Variants in ABCB4 observed in about 807,000 individuals in gnomAD.
ABCB4 encodes ATP binding cassette subfamily B member 4, also known as phosphatidylcholine translocator ABCB4.
Under a neutral mutation model 145.7 loss-of-function variants are expected in ABCB4, and 76 were observed. That is an observed-to-expected ratio of 0.52 (90% confidence interval 0.43 to 0.63). The LOEUF is 0.63. Among genes scored for constraint, ABCB4 ranks in the 30% least tolerant of loss-of-function variants. The pLI is 0.00. For missense variants in ABCB4, 1,234 were observed against 1,553.1 expected (o/e 0.79, Z 3.45); for synonymous variants, 517 against 566.8 (o/e 0.91, Z 1.25).
At chr7:87,453,404 G>A (rs909890856) in intron 5 of ABCB4, among the ~76,000 whole-genome samples, 1 of 151,950 alleles carries the variant, frequency 6.6e-6, no homozygotes, top group Non-Finnish European at 1.5e-5. Flanking sequence ...GGCTGGTCTC[G>A]AACTCCTGAC....
rs573884341 is a variant in ABCB4, at chr7:87,474,230, G to A, written c.80+1156C>T. ...GCAATACATAAATAGACTTCTTCAT[G>A]AAAATGCCATCTATTAATAGACTCA... is the stretch of plus-strand genomic sequence containing the variant. On this transcript the variant is annotated intron_variant, in intron 2 of 27. Coordinates refer to ENST00000649586, the MANE Select transcript of ABCB4 (RefSeq NM_000443.4). 3.3e-5 allele frequency among the ~76,000 whole-genome samples: 5 copies of A among 152,262 alleles called. No individual in the cohort carries two copies. In the South Asian group the frequency reaches 1.0e-3, roughly 32 times the overall value.
chr7:87,462,725 A>G (rs1259260810), intron 4 of ABCB4, 33 bp downstream of exon 4: 1 of 1,608,140 alleles, frequency 6.2e-7, no homozygotes, highest in Non-Finnish European at 8.5e-7. Context: ...AAGAAATGCT[A>G]TGGATTTTTT....
chr7:87,472,739 T>C (rs1813518384), intron 2 of ABCB4, 64 bp from the exon 3 acceptor site: 10 of 1,135,122 alleles, frequency 8.8e-6, no homozygotes, highest in Admixed American at 1.9e-5. Flanking sequence ...CAATTGAACA[T>C]AAATATGTTT....
At chr7:87,395,365 C>T in the ABCB4 span, among the ~76,000 whole-genome samples, 1 of 152,180 alleles carries the variant, frequency 6.6e-6, no homozygotes, top group Non-Finnish European at 1.5e-5. Context: ...AGCCCACTGA[C>T]TCAAATGTTA....
rs777366716 is a variant in ABCB4, at chr7:87,472,692, T to C, written c.81-17A>G. 2 of 1,540,192 alleles carry C rather than the reference T, an allele frequency of 1.3e-6. No homozygotes were observed. The highest frequency in any genetic ancestry group is 1.8e-6 in the Non-Finnish European group (2 of 1,113,518). On this transcript the variant is annotated splice_polypyrimidine_tract_variant and intron_variant, in intron 2 of 27. Coordinates refer to ENST00000649586, the MANE Select transcript of ABCB4 (RefSeq NM_000443.4). Reference sequence around the variant, plus strand: ...TTTTGTTTGCTGTAAAAAATAGAATTGCTTCAATTTAAAACTGTTACAAAA... The same window carrying C: ...TTTTGTTTGCTGTAAAAAATAGAATCGCTTCAATTTAAAACTGTTACAAAA...
chr7:87,442,954 GT>G (rs2116711555), intron 12 of ABCB4, among the ~76,000 whole-genome samples: 1 of 152,202 alleles, frequency 6.6e-6, no homozygotes, highest in South Asian at 2.1e-4. Context: ...AAAATATCTG[GT>G]GACCCTAATT....
At chr7:87,450,209 G>A in intron 7 of ABCB4, 117 bp from the exon 8 acceptor site, 1 of 1,403,976 alleles carries the variant, frequency 7.1e-7, no homozygotes, top group Admixed American at 1.7e-5. Context: ...AAATATTAAA[G>A]TCATGTAGCA....
At chr7:87,435,211 T>TAAA (rs1293891984) in intron 14 of ABCB4, among the ~76,000 whole-genome samples, 3 of 152,114 alleles carry the variant, frequency 2.0e-5, no homozygotes, top group African/African-American at 7.2e-5. Flanking sequence ...TAATAAAGGG[T>TAAA]TTATCTTTAA....
intron 15 of ABCB4, among the ~76,000 whole-genome samples, chr7:87,430,913 T>A (rs1810173085): frequency 6.6e-6 from 1 of 152,094 alleles, no homozygotes; most frequent in African/African-American, 2.4e-5. Flanking sequence ...TGGGAAACAA[T>A]TTTAGATCAC....
chr7:87,409,437 C>T, intron 23 of ABCB4, 45 bp from the exon 24 acceptor site: 1 of 1,597,770 alleles, frequency 6.3e-7, no homozygotes, highest in East Asian at 2.2e-5. Flanking sequence ...TTATAATTAA[C>T]TCCATGATGT....
At chr7:87,370,342 C>A in the ABCB4 span, among the ~76,000 whole-genome samples, 1 of 152,090 alleles carries the variant, frequency 6.6e-6, no homozygotes, top group African/African-American at 2.4e-5. Flanking sequence ...ACCACCATGG[C>A]CAGCTAATTA....
At chr7:87,421,209 C>T (rs1310839631) in intron 18 of ABCB4, among the ~76,000 whole-genome samples, 1 of 152,138 alleles carries the variant, frequency 6.6e-6, no homozygotes, top group Non-Finnish European at 1.5e-5. Context: ...GTAGCCGTGC[C>T]GAGGGCACAC....
At chr7:87,373,228 T>C in the ABCB4 span, among the ~76,000 whole-genome samples, 1 of 152,204 alleles carries the variant, frequency 6.6e-6, no homozygotes, top group Non-Finnish European at 1.5e-5. Context: ...TGGCCATTTG[T>C]ATATATCTTC....
At chr7:87,458,645 G>C (rs1389434762) in intron 4 of ABCB4, among the ~76,000 whole-genome samples, 1 of 152,126 alleles carries the variant, frequency 6.6e-6, no homozygotes, top group African/African-American at 2.4e-5. Flanking sequence ...ATCCTTTAAA[G>C]ATTTCATTGT....
chr7:87,435,642 A>G (rs1284786428), intron 14 of ABCB4, among the ~76,000 whole-genome samples: 1 of 152,222 alleles, frequency 6.6e-6, no homozygotes, highest in Admixed American at 6.5e-5. Context: ...GGCCACTTTG[A>G]ATATTCCAGC....
At chr7:87,432,078 G>T (rs1810278342) in intron 14 of ABCB4, among the ~76,000 whole-genome samples, 1 of 152,112 alleles carries the variant, frequency 6.6e-6, no homozygotes, top group Non-Finnish European at 1.5e-5. Flanking sequence ...TTAAAATTAT[G>T]GTTCAAAAGC....
chr7:87,457,507 C>T (rs1478791144), intron 4 of ABCB4, among the ~76,000 whole-genome samples: 1 of 152,258 alleles, frequency 6.6e-6, no homozygotes, highest in Non-Finnish European at 1.5e-5. Flanking sequence ...AACTGGGGAA[C>T]TCCTGAAGCT....
chr7:87,439,588 C>T, intron 14 of ABCB4, 79 bp downstream of exon 14: 1 of 1,532,314 alleles, frequency 6.5e-7, no homozygotes, highest in Non-Finnish European at 9.0e-7. Context: ...TGTTTCTCAG[C>T]CCAGACTCCG....
At chr7:87,421,163 G>A (rs921508309) in intron 18 of ABCB4, among the ~76,000 whole-genome samples, 1 of 152,178 alleles carries the variant, frequency 6.6e-6, no homozygotes, top group Non-Finnish European at 1.5e-5. Context: ...TTACTTCTGG[G>A]ACGTGTGAGT....
Sources: gnomAD v4.1 joint callset for allele counts (sites outside exome capture counted in the v4.1 genomes callset) on GRCh38, gnomAD v4.1.1 for gene constraint, MANE v1.5 for transcripts, NCBI Gene and HGNC (gene_info 2026-07-23, HGNC 2026-07-21) for gene names.